Variants in SERINC1 observed in about 807,000 individuals in gnomAD.
SERINC1 encodes the protein tumor differentially expressed protein 2.
SERINC1 carries 38 observed loss-of-function variants against 52.9 expected under a neutral mutation model. The observed-to-expected ratio is 0.72, with a 90% CI of 0.55 to 0.94. The LOEUF is 0.94. Ranked by LOEUF, SERINC1 falls within the 40% of genes least tolerant of loss-of-function variation. The probability of loss-of-function intolerance (pLI) is 0.00; values close to 1 mark genes in which losing one functional copy is unlikely to be tolerated. For synonymous variants in SERINC1, 198 were observed against 183.1 expected, an observed-to-expected ratio of 1.08 and a Z score of -0.66; for missense variants, 471 against 533.9, an observed-to-expected ratio of 0.88 and a Z score of 1.16.
Position 122,458,524 on chromosome 6 carries a change from T to C in SERINC1, c.197A>G (p.Asn66Ser), listed in dbSNP as rs1263189260. Residue 66 changes from asparagine to serine, a missense_variant, in exon 2 of 10, where the codon AAT becomes AGT. Physicochemically the swap from Asn to Ser is conservative, Grantham distance 46 (BLOSUM62 1). Coordinates refer to ENST00000339697, the MANE Select transcript of SERINC1 (RefSeq NM_020755.4). ...MLIPGMEEQLNKIPGFCENEK... is the reference protein window; with the variant it reads ...MLIPGMEEQLSKIPGFCENEK... ...TAAATAAGAAACGAGACTAACCTTA[T>C]TCAGTTGTTCTTCCATTCCTGGTAT... 1.2e-6 allele frequency: 2 copies of C among 1,611,118 alleles called. No individual in the cohort carries two copies. Among genetic ancestry groups the C allele is most frequent in the Non-Finnish European group, 1.7e-6 (2 of 1,177,752 alleles).
chr6:122,451,776 A>AAAAAAAAAAAAAGAT, intron 6 of SERINC1, 22 bp from the exon 7 acceptor site: 1 of 95,480 alleles, frequency 1.0e-5, no homozygotes, highest in African/African-American at 7.7e-5. Context: ...AAAAAAAAAA[A>AAAAAAAAAAAAAGAT]ATATATATAT....
chr6:122,463,578 C>T (rs1775141952), intron 1 of SERINC1, among the ~76,000 whole-genome samples: 1 of 152,062 alleles, frequency 6.6e-6, no homozygotes, highest in Non-Finnish European at 1.5e-5. Flanking sequence ...GGCATATAGA[C>T]AGCAAATAAG....
chr6:122,449,583 T>C lies in SERINC1; in HGVS notation c.850+2081A>G, dbSNP rs189620606. Among the ~76,000 whole-genome samples, 96 of 152,278 alleles carry C rather than the reference T, an allele frequency of 6.3e-4. 1 individual carries two copies. The highest frequency in any genetic ancestry group is 2.3e-3 in the African/African-American group (94 of 41,550). ...GAGAAGGAAGCTGTAGAAGAAAAGT[T>C]TGAAACTAGATGGGGTTGGTTGTTG... On this transcript the variant is annotated intron_variant, in intron 7 of 9. Coordinates refer to ENST00000339697, the MANE Select transcript of SERINC1 (RefSeq NM_020755.4).
At chr6:122,456,936 C>G (rs1012168538) in intron 2 of SERINC1, among the ~76,000 whole-genome samples, 2 of 152,118 alleles carry the variant, frequency 1.3e-5, no homozygotes, top group African/African-American at 4.8e-5. Context: ...TTGCATTCTA[C>G]TTGAATAGCA....
chr6:122,468,376 G>A (rs692810), intron 1 of SERINC1, among the ~76,000 whole-genome samples: 47,096 of 152,204 alleles, frequency 0.31, 7,530 homozygotes, highest in African/African-American at 0.37. Flanking sequence ...CTAGTGGCAC[G>A]CCTCACCCCA....
Position 122,458,507 on chromosome 6 carries a change from A to C in SERINC1, c.201+13T>G. ...TAGCCTCAGTTAATCAATAAATAAG[A>C]AACGAGACTAACCTTATTCAGTTGT... On this transcript the variant is annotated intron_variant, in intron 2 of 9. Transcript: ENST00000339697. The C allele has an allele frequency of 6.3e-7, 1 of 1,599,288 alleles. No individual in the cohort carries two copies. The highest frequency in any genetic ancestry group is 1.1e-5 in the South Asian group (1 of 90,168).
chr6:122,445,116 A>T lies in SERINC1; in HGVS notation c.1290T>A (p.Ser430Arg). The change falls in exon 10 of 10, where the codon AGT becomes AGA. Residue 430 changes from serine (S) to arginine (R), a missense_variant. By Grantham distance (110) the Ser-to-Arg change is moderately radical. Coordinates refer to ENST00000339697, the MANE Select transcript of SERINC1 (RefSeq NM_020755.4). ...AAACATACAGCACGATGCCAATCCA[A>T]CTGGAAGAGATTTTCACCCAGACAG... ...WTAVWVKISS[S>R]WIGIVLYVWT... The T allele has an allele frequency of 3.1e-6, 5 of 1,614,122 alleles. No homozygotes were observed. Among genetic ancestry groups the T allele is most frequent in the Non-Finnish European group, 4.2e-6 (5 of 1,179,970 alleles).
chr6:122,469,229 A>G lies in SERINC1; in HGVS notation c.39+2470T>C, dbSNP rs560551782. Among the ~76,000 whole-genome samples, 3 of 150,568 alleles carry G rather than the reference A, an allele frequency of 2.0e-5. No individual in the cohort carries two copies. The East Asian group carries it at 5.9e-4, about 30-fold the overall frequency. ...TTCAGACATTTTCTACAATTATTTT[A>G]TAAATAAGGAAAAAACTTTTACTAA... On this transcript the variant is annotated intron_variant, in intron 1 of 9. Transcript: ENST00000339697.
chr6:122,470,088 T>C (rs1775253422), intron 1 of SERINC1, among the ~76,000 whole-genome samples: 1 of 152,202 alleles, frequency 6.6e-6, no homozygotes, highest in African/African-American at 2.4e-5. Flanking sequence ...CGGTAGCACC[T>C]GCCTGTAGTA....
At chr6:122,458,477 C>A (rs1775039928) in intron 2 of SERINC1, 43 bp downstream of exon 2, 2 of 1,405,734 alleles carry the variant, frequency 1.4e-6, no homozygotes, top group Non-Finnish European at 2.0e-6. Flanking sequence ...TACATATATA[C>A]CCTATAGCCT....
Position 122,458,726 on chromosome 6 carries a change from A to G in SERINC1, c.40-45T>C, listed in dbSNP as rs374851662. On this transcript the variant is annotated intron_variant, in intron 1 of 9. Coordinates refer to ENST00000339697, the MANE Select transcript of SERINC1 (RefSeq NM_020755.4). Reference sequence around the variant, plus strand: ...TGAAAATATTATTAAGAATCAGTAAATCACTATATCTTAAAATGATACAAT... The same window carrying G: ...TGAAAATATTATTAAGAATCAGTAAGTCACTATATCTTAAAATGATACAAT... 5.4e-5 allele frequency: 70 copies of G among 1,288,774 alleles called. No homozygotes were observed. The Middle Eastern group carries it at 2.3e-3, about 42-fold the overall frequency. 79.8% of individuals were successfully genotyped at this position (1,288,774 alleles called of 1,614,324 possible). A position where few individuals can be genotyped will look rare whatever the true frequency, so the allele number is the denominator to read the frequency against.
chr6:122,455,811 T>G (rs1774982639), intron 3 of SERINC1, among the ~76,000 whole-genome samples: 1 of 152,080 alleles, frequency 6.6e-6, no homozygotes, highest in South Asian at 2.1e-4. Context: ...AAGTATAAGG[T>G]GAACTGTATA....
chr6:122,465,537 G>A (rs2114490266), intron 1 of SERINC1, among the ~76,000 whole-genome samples: 1 of 152,250 alleles, frequency 6.6e-6, no homozygotes, highest in East Asian at 1.9e-4. Flanking sequence ...TATTCCCCAG[G>A]TTGGAGACTG....
chr6:122,469,676 C>A (rs1225911744), intron 1 of SERINC1, among the ~76,000 whole-genome samples: 1 of 152,200 alleles, frequency 6.6e-6, no homozygotes, highest in Non-Finnish European at 1.5e-5. Flanking sequence ...CTGCCTCAGC[C>A]TCCCGAGTAG....
Position 122,444,755 on chromosome 6 carries a change from G to A in SERINC1, c.*289C>T, listed in dbSNP as rs2114471168. 7.2e-6 allele frequency: 2 copies of A among 277,954 alleles called. 1 individual carries two copies. The highest frequency in any genetic ancestry group is 2.0e-4 in the South Asian group (2 of 9,990). The allele number at this position is 277,954 out of a possible 1,614,324, so 17.2% of individuals were successfully genotyped here. On this transcript the variant is annotated 3_prime_UTR_variant, in exon 10 of 10. Transcript: ENST00000339697. ...AATTTTAAAATAGTCAAACAAATTT[G>A]TTTTTACTCTTCATTTCACAACTAT...
rs1244059671 is a variant in SERINC1, at chr6:122,451,894, T to C, written c.753A>G (p.Lys251=). 6.6e-7 allele frequency: 1 copy of C among 1,525,458 alleles called. No individual in the cohort carries two copies. Among genetic ancestry groups the C allele is most frequent in the East Asian group, 2.5e-5 (1 of 40,110 alleles). 94.5% of individuals were successfully genotyped at this position (1,525,458 alleles called of 1,614,324 possible). A position where few individuals can be genotyped will look rare whatever the true frequency, so the allele number is the denominator to read the frequency against. Residue 251 remains lysine, a synonymous_variant, in exon 6 of 10, where the codon AAA becomes AAG. Transcript: ENST00000339697. Reference sequence around the variant, plus strand: ...AATGCTTTAAAGGGCATACTTGGATTTTTGGCAGTATAGACATTACAGAAG... The same window carrying C: ...AATGCTTTAAAGGGCATACTTGGATCTTTGGCAGTATAGACATTACAGAAG... ...VGASVMSILP[K]IQESQPRSGL...
chr6:122,461,412 T>C (rs541364811), intron 1 of SERINC1, among the ~76,000 whole-genome samples: 2 of 149,092 alleles, frequency 1.3e-5, no homozygotes, highest in East Asian at 3.9e-4. Context: ...TATGTAAACA[T>C]AGAATTTTGT....
chr6:122,460,520 T>C (rs4945703), intron 1 of SERINC1, among the ~76,000 whole-genome samples: 82,909 of 152,026 alleles, frequency 0.55, 22,856 homozygotes, highest in South Asian at 0.68. Context: ...AAATCAGCCA[T>C]CAAACTAAAG....
At chr6:122,470,406 C>T (rs1775263210) in intron 1 of SERINC1, among the ~76,000 whole-genome samples, 1 of 152,158 alleles carries the variant, frequency 6.6e-6, no homozygotes, top group Non-Finnish European at 1.5e-5. Flanking sequence ...CACTTCATAA[C>T]TGGACAAGAT....
Sources: gnomAD v4.1 joint callset for allele counts (sites outside exome capture counted in the v4.1 genomes callset) on GRCh38, gnomAD v4.1.1 for gene constraint, MANE v1.5 for transcripts, NCBI Gene and HGNC (gene_info 2026-07-23, HGNC 2026-07-21) for gene names.